LOC128706666: variants seen among roughly 807,000 people sequenced by gnomAD.
the LOC128706666 span, among the ~76,000 whole-genome samples, chr20:10,427,080 A>AC: frequency 1.0e-4 from 15 of 147,516 alleles, 1 homozygote; most frequent in East Asian, 3.9e-4. Flanking sequence ...ACACACACAC[A>AC]AAGTAAGGTT....
chr20:10,427,137 G>A, the LOC128706666 span, among the ~76,000 whole-genome samples: 2 of 150,540 alleles, frequency 1.3e-5, no homozygotes, highest in African/African-American at 2.5e-5. Flanking sequence ...CAAACAGCTG[G>A]ATCTAGCCAT....
At chr20:10,424,012 T>C in the LOC128706666 span, among the ~76,000 whole-genome samples, 1 of 152,212 alleles carries the variant, frequency 6.6e-6, no homozygotes, top group Non-Finnish European at 1.5e-5. Flanking sequence ...CAAGTAACTA[T>C]TTTCTGACAG....
the LOC128706666 span, among the ~76,000 whole-genome samples, chr20:10,433,919 G>A: frequency 6.6e-6 from 1 of 152,224 alleles, no homozygotes; most frequent in Non-Finnish European, 1.5e-5. Context: ...ACCATCGGCA[G>A]CTATTTCAGA....
At chr20:10,430,603 G>A in the LOC128706666 span, among the ~76,000 whole-genome samples, 45 of 152,296 alleles carry the variant, frequency 3.0e-4, no homozygotes, top group Middle Eastern at 3.4e-3. Flanking sequence ...CAGTTAGTTA[G>A]CTAAGAATAA....
At chr20:10,416,821 G>T in the LOC128706666 span, among the ~76,000 whole-genome samples, 14 of 152,154 alleles carry the variant, frequency 9.2e-5, no homozygotes, top group Non-Finnish European at 1.8e-4. Flanking sequence ...CCAGACTGCT[G>T]CCTGTTTTTG....
the LOC128706666 span, among the ~76,000 whole-genome samples, chr20:10,415,754 A>G: frequency 2.0e-5 from 3 of 152,376 alleles, no homozygotes; most frequent in Non-Finnish European, 4.4e-5. Context: ...AACATTTTCA[A>G]TACTTAATAG....
At chr20:10,421,356 G>A in the LOC128706666 span, among the ~76,000 whole-genome samples, 3 of 150,988 alleles carry the variant, frequency 2.0e-5, no homozygotes, top group East Asian at 3.9e-4. Flanking sequence ...CTTGGGAGGT[G>A]GAGGTTGCAG....
chr20:10,429,914 T>C, the LOC128706666 span, among the ~76,000 whole-genome samples: 3 of 152,332 alleles, frequency 2.0e-5, no homozygotes, highest in East Asian at 5.8e-4. Flanking sequence ...TGGGGTCCAG[T>C]AATCTGTGTT....
the LOC128706666 span, among the ~76,000 whole-genome samples, chr20:10,424,736 G>A: frequency 3.3e-5 from 5 of 151,814 alleles, no homozygotes; most frequent in Non-Finnish European, 5.9e-5. Context: ...TTTCTTCTTA[G>A]TTCCTCTGTG....
At chr20:10,429,948 T>C in the LOC128706666 span, among the ~76,000 whole-genome samples, 12 of 152,224 alleles carry the variant, frequency 7.9e-5, no homozygotes, top group Admixed American at 5.9e-4. Context: ...TAGGTAATTC[T>C]GAAGCTAAAG....
chr20:10,431,527 AAAACCAAACCAAACCAAACCAAACC>A, the LOC128706666 span, among the ~76,000 whole-genome samples: 25 of 150,844 alleles, frequency 1.7e-4, no homozygotes, highest in African/African-American at 5.4e-4. Flanking sequence ...ATAGGGTCAA[AAAACCAAACCAAACCAAACCAAACC>A]AAACCAAACC....
At chr20:10,417,566 T>C in the LOC128706666 span, among the ~76,000 whole-genome samples, 1 of 152,144 alleles carries the variant, frequency 6.6e-6, no homozygotes, top group Non-Finnish European at 1.5e-5. Context: ...AGCTATGATA[T>C]GTTACTGCAC....
chr20:10,427,028 T>A, the LOC128706666 span, among the ~76,000 whole-genome samples: 6,502 of 61,214 alleles, frequency 0.11, 238 homozygotes, highest in Admixed American at 0.16. Context: ...AAGAAAACAC[T>A]GACACACACA....
the LOC128706666 span, among the ~76,000 whole-genome samples, chr20:10,427,489 T>C: frequency 6.6e-6 from 1 of 152,248 alleles, no homozygotes; most frequent in Non-Finnish European, 1.5e-5. Context: ...GGAATTGTAC[T>C]ATGCCTTTTC....
the LOC128706666 span, among the ~76,000 whole-genome samples, chr20:10,422,602 A>G: frequency 6.6e-6 from 1 of 152,184 alleles, no homozygotes; most frequent in Admixed American, 6.5e-5. Flanking sequence ...CTTGTTTGCA[A>G]ACACCTTAAC....
the LOC128706666 span, among the ~76,000 whole-genome samples, chr20:10,417,211 A>C: frequency 1.3e-5 from 2 of 150,744 alleles, no homozygotes; most frequent in Non-Finnish European, 2.9e-5. Flanking sequence ...ACATCACCCA[A>C]CTGCAGCCTG....
chr20:10,431,208 T>C, the LOC128706666 span, among the ~76,000 whole-genome samples: 1 of 152,182 alleles, frequency 6.6e-6, no homozygotes, highest in East Asian at 1.9e-4. Context: ...AAAGCAATTA[T>C]ATATTATCAT....
At chr20:10,425,321 A>C in the LOC128706666 span, among the ~76,000 whole-genome samples, 2 of 152,222 alleles carry the variant, frequency 1.3e-5, no homozygotes, top group African/African-American at 4.8e-5. Flanking sequence ...TCTGTGATTG[A>C]AAGAAATTTG....
the LOC128706666 span, among the ~76,000 whole-genome samples, chr20:10,432,535 G>A: frequency 6.6e-6 from 1 of 152,162 alleles, no homozygotes; most frequent in Non-Finnish European, 1.5e-5. Flanking sequence ...GGTCATGCCT[G>A]TAATCCCAGC....
Sources: allele counts gnomAD v4.1 joint callset (sites outside exome capture counted in the v4.1 genomes callset), GRCh38; gene constraint gnomAD v4.1.1; transcripts MANE v1.5.